Variants in PSD observed in about 807,000 individuals in gnomAD.
PSD encodes the protein PH and SEC7 domain-containing protein 1.
Under a neutral mutation model 91.6 loss-of-function variants are expected in PSD, and 32 were observed. The ratio of observed to expected loss-of-function variants is 0.35; its 90% confidence interval spans 0.26 to 0.47. PSD has a LOEUF of 0.47. Among genes scored for constraint, PSD ranks in the 20% least tolerant of loss-of-function variants. The probability of loss-of-function intolerance (pLI) is 1.00; values close to 1 mark genes in which losing one functional copy is unlikely to be tolerated. For missense variants in PSD, 1,099 were observed against 1,373.9 expected (o/e 0.80, Z 3.16); for synonymous variants, 532 against 569.3 (o/e 0.93, Z 0.93).
intron 1 of PSD, among the ~76,000 whole-genome samples, chr10:102,418,087 ACACG>A (rs1399608522): frequency 8.9e-4 from 116 of 130,942 alleles, no homozygotes; most frequent in Middle Eastern, 4.0e-3. Flanking sequence ...ACACACACAC[ACACG>A]CACACACATA....
chr10:102,418,665 G>A (rs1041916102), intron 1 of PSD, 36 bp downstream of exon 1: 1 of 453,362 alleles, frequency 2.2e-6, no homozygotes, highest in Non-Finnish European at 4.4e-6. Flanking sequence ...GCGCATACCC[G>A]GTGCAGCCCC....
In PSD at chr10:102,404,802, T is replaced by C. The variant is rs2061341020; in HGVS notation, c.2556-75A>G. 6.4e-7 allele frequency: 1 copy of C among 1,563,076 alleles called. No homozygotes were observed. ...CAGGATGCCAGTCCTGGCTCAAGTG[T>C]GGCCTGAGAAGGAATGAAAAAATCC... On this transcript the variant is annotated intron_variant, in intron 14 of 16. Transcript: ENST00000020673. The surrounding 1 kb of genome is among the most constrained non-coding windows in gnomAD (Gnocchi z 5.7).
At chr10:102,418,060 AAC>A (rs3061745) in intron 1 of PSD, among the ~76,000 whole-genome samples, 33,001 of 147,810 alleles carry the variant, frequency 0.22, 3,707 homozygotes, top group East Asian at 0.34. Context: ...CACACACACA[AAC>A]ACACACACAC....
rs903409360 is a variant in PSD at position 102,411,792 on chromosome 10, C to G, written c.1857G>C (p.Met619Ile). The G allele has an allele frequency of 6.2e-7, 1 of 1,613,318 alleles. No individual in the cohort carries two copies. Among genetic ancestry groups the G allele is most frequent in the Non-Finnish European group, 8.5e-7 (1 of 1,179,680 alleles). ...LRVFLKELAL[M>I]GETQERERVL... ...CGCGCTCTCGTTCCTGGGTCTCACC[C>G]ATTAAGGCCAGCTCCTTCAGAAACA... The change falls in exon 8 of 17, where the codon ATG (methionine) becomes ATC (isoleucine). Residue 619 changes from methionine to isoleucine, a missense_variant. Around this residue, in one of 3 missense-constraint regions of PSD, gnomAD observed 110 missense variants for 218.7 expected, o/e 0.50. Coordinates refer to ENST00000020673, the MANE Select transcript of PSD (RefSeq NM_002779.5).
intron 1 of PSD, among the ~76,000 whole-genome samples, 192 bp from the exon 2 acceptor site, chr10:102,417,313 C>A (rs2061492671): frequency 6.6e-6 from 1 of 152,070 alleles, no homozygotes; most frequent in Non-Finnish European, 1.5e-5. Context: ...GACTTATACA[C>A]CCAGTGGGCC....
In PSD at chr10:102,413,756, AG is replaced by A; in HGVS notation, c.1553+12del. The A allele has an allele frequency of 6.3e-7, 1 of 1,596,934 alleles. No homozygotes were observed. Among genetic ancestry groups the A allele is most frequent in the Non-Finnish European group, 8.6e-7 (1 of 1,169,398 alleles). ...GGGGGCCTCAAGTCTGAGGGACAAA[AG>A]GAATTACTTACCTGCCAAGGGGTGC... On this transcript the variant is annotated intron_variant, in intron 5 of 16. Coordinates refer to ENST00000020673, the MANE Select transcript of PSD (RefSeq NM_002779.5).
At chr10:102,408,376 C>G (rs2061385847) in intron 10 of PSD, among the ~76,000 whole-genome samples, 1 of 152,226 alleles carries the variant, frequency 6.6e-6, no homozygotes, top group Non-Finnish European at 1.5e-5. Flanking sequence ...ACTGTTCACA[C>G]CCTATCTGGG....
In PSD at chr10:102,414,348, G is replaced by T; in HGVS notation, c.1125-151C>A. On this transcript the variant is annotated intron_variant, in intron 4 of 16. Coordinates refer to ENST00000020673, the MANE Select transcript of PSD (RefSeq NM_002779.5). This position sits in a 1 kb window ranked among gnomAD's most constrained non-coding sequence, Gnocchi z 5.6. ...TAACAAAAAAGAGCCTCTAGGGTAG[G>T]GCGCCAAGCTATTCAGTGCCCCCTG... 1.3e-6 allele frequency: 1 copy of T among 794,886 alleles called. No individual in the cohort carries two copies. The highest frequency in any genetic ancestry group is 2.0e-5 in the South Asian group (1 of 49,802). 49.2% of individuals were successfully genotyped at this position (794,886 alleles called of 1,614,324 possible).
Position 102,403,111 on chromosome 10 carries a change from T to G in PSD, c.*89A>C, listed in dbSNP as rs1589877014. 4 of 1,144,414 alleles carry G rather than the reference T, an allele frequency of 3.5e-6. No individual in the cohort carries two copies. The East Asian group carries it at 1.2e-4, about 33-fold the overall frequency. 70.9% of individuals were successfully genotyped at this position (1,144,414 alleles called of 1,614,324 possible). On this transcript the variant is annotated 3_prime_UTR_variant, in exon 17 of 17. Coordinates refer to ENST00000020673, the MANE Select transcript of PSD (RefSeq NM_002779.5). This position sits in a 1 kb window ranked among gnomAD's most constrained non-coding sequence, Gnocchi z 6.7. ...GGTCGGGCCCTAGGCCGGGAGGCCC[T>G]CGTGGGTGGCCCGAGGCCGGCCCGG...
chr10:102,417,105 A>G lies in PSD; in HGVS notation c.-67T>C. On this transcript the variant is annotated 5_prime_UTR_variant, in exon 2 of 17. It removes an upstream start codon present in the reference 5' UTR. Transcript: ENST00000020673. ...GCCAGGCGGGGAGTAAGGGGGCTGC[A>G]TGCTCTTCAGACAGGCCTGTAAGAG... 1 of 890,192 alleles carries G rather than the reference A, an allele frequency of 1.1e-6. No individual in the cohort carries two copies. Among genetic ancestry groups the G allele is most frequent in the Non-Finnish European group, 1.7e-6 (1 of 579,104 alleles). The allele number at this position is 890,192 out of a possible 1,614,324, so 55.1% of individuals were successfully genotyped here. A position where few individuals can be genotyped will look rare whatever the true frequency, so the allele number is the denominator to read the frequency against.
At chr10:102,406,755 T>C (rs2061366898) in intron 11 of PSD, among the ~76,000 whole-genome samples, 2 of 152,258 alleles carry the variant, frequency 1.3e-5, no homozygotes. Context: ...TCTGCCCGCC[T>C]TGGCCTCCCA....
Position 102,404,887 on chromosome 10 carries a change from A to G in PSD, c.2555+11T>C. On this transcript the variant is annotated intron_variant, in intron 14 of 16. Coordinates refer to ENST00000020673, the MANE Select transcript of PSD (RefSeq NM_002779.5). The surrounding 1 kb of genome is among the most constrained non-coding windows in gnomAD (Gnocchi z 5.7). ...GAAGGGGTCCGGGATGGGCAGGAGG[A>G]GGGCACTCACGGGGCCTGGAAGAGG... 6.2e-7 allele frequency: 1 copy of G among 1,611,354 alleles called. No individual in the cohort carries two copies. Among genetic ancestry groups the G allele is most frequent in the Admixed American group, 1.7e-5 (1 of 59,760 alleles).
chr10:102,407,084 A>T, intron 11 of PSD, 139 bp downstream of exon 11: 1 of 666,434 alleles, frequency 1.5e-6, no homozygotes, highest in Non-Finnish European at 2.3e-6. Flanking sequence ...GAAGGAAGTG[A>T]GGCAGCCTCA....
In PSD at chr10:102,417,022, A is replaced by G. The variant is rs759731311; in HGVS notation, c.17T>C (p.Met6Thr). Residue 6 changes from methionine to threonine, a missense_variant, in exon 2 of 17, where the codon ATG becomes ACG. Coordinates refer to ENST00000020673, the MANE Select transcript of PSD (RefSeq NM_002779.5). ...ACAGTCGCCTTCCGAGCAGAAGCGC[A>G]TGGCACCCTGGGCCATGCTGGGGCC... MAQGA[M>T]RFCSEGDCAI... is the part of the protein sequence containing the mutation. 2.6e-6 allele frequency: 4 copies of G among 1,548,960 alleles called. No individual in the cohort carries two copies. Among genetic ancestry groups the G allele is most frequent in the Admixed American group, 3.7e-5 (2 of 54,308 alleles).
intron 10 of PSD, 36 bp from the exon 11 acceptor site, chr10:102,407,302 G>A (rs1373244969): frequency 7.6e-6 from 11 of 1,448,236 alleles, no homozygotes; most frequent in Admixed American, 2.0e-5. Flanking sequence ...GGGGTTGTGG[G>A]TCAGTACCGC....
At position 102,405,075 on chromosome 10, in the gene PSD, G is replaced by A. The variant is rs1383895896; in HGVS notation, c.2398-20C>T. The A allele has an allele frequency of 6.2e-7, 1 of 1,612,960 alleles. No individual in the cohort carries two copies. Among genetic ancestry groups the A allele is most frequent in the Non-Finnish European group, 8.5e-7 (1 of 1,179,458 alleles). ...CTCCTCCTGCAGGGGTGTCCATCTT[G>A]TCCTGGCCCCAAATGCAGCCTGGCC... is the stretch of plus-strand genomic sequence containing the variant. On this transcript the variant is annotated intron_variant, in intron 13 of 16. Transcript: ENST00000020673. This position sits in a 1 kb window ranked among gnomAD's most constrained non-coding sequence, Gnocchi z 5.4.
chr10:102,406,689 A>T (rs560746976), intron 11 of PSD, among the ~76,000 whole-genome samples: 1 of 151,960 alleles, frequency 6.6e-6, no homozygotes, highest in African/African-American at 2.4e-5. Context: ...TTGTGTTTTT[A>T]GTGGAGACGG....
rs1333151187 is a variant in PSD, at chr10:102,417,121, C to T, written c.-83G>A. ...GGGGGCTGCATGCTCTTCAGACAGG[C>T]CTGTAAGAGAGGAAGGGGAGCATGG... On this transcript the variant is annotated splice_region_variant and 5_prime_UTR_variant, in exon 2 of 17. Transcript: ENST00000020673. The T allele has an allele frequency of 2.6e-6, 2 of 758,364 alleles. No homozygotes were observed. Among genetic ancestry groups the T allele is most frequent in the African/African-American group, 3.5e-5 (2 of 57,036 alleles). 47.0% of individuals were successfully genotyped at this position (758,364 alleles called of 1,614,324 possible).
chr10:102,404,646 A>G lies in PSD; in HGVS notation c.2637T>C (p.Ala879=), dbSNP rs745405740. ...AMFSAPPFPA[A]VSSQKKFSRP... is the part of the protein sequence containing the mutation. ...GGCTGAACTTCTTTTGGGAGCTAAC[A>G]GCAGCTGGGAAGGGGGGCGCAGAGA... is the stretch of plus-strand genomic sequence containing the variant. The change falls in exon 15 of 17, where the codon GCT becomes GCC. Residue 879 remains alanine, a synonymous_variant. Transcript: ENST00000020673. The surrounding 1 kb of genome is among the most constrained non-coding windows in gnomAD (Gnocchi z 5.7). 3 of 1,612,098 alleles carry G rather than the reference A, an allele frequency of 1.9e-6. No homozygotes were observed. The highest frequency in any genetic ancestry group is 4.5e-5 in the East Asian group (2 of 44,890).
Sources: allele counts gnomAD v4.1 joint callset (sites outside exome capture counted in the v4.1 genomes callset), GRCh38; gene constraint gnomAD v4.1.1; regional missense constraint gnomAD v4.1.1; non-coding constraint Gnocchi (gnomAD v3.1); transcripts MANE v1.5; gene names NCBI Gene and HGNC (gene_info 2026-07-23, HGNC 2026-07-21).